PLCXD3: variants seen among roughly 807,000 people sequenced by gnomAD.
The protein encoded by PLCXD3 is PI-PLC X domain-containing protein 3.
A neutral mutation model predicts 25.5 loss-of-function variants in PLCXD3; 19 were observed. The ratio of observed to expected loss-of-function variants is 0.75; its 90% CI spans 0.52 to 1.09. The LOEUF is 1.09. Among genes scored for constraint, PLCXD3 ranks in the 50% least tolerant of loss-of-function variants. The probability of loss-of-function intolerance (pLI) is 0.00; values close to 1 mark genes in which losing one functional copy is unlikely to be tolerated. For missense variants in PLCXD3, 411 were observed against 388.1 expected, an observed-to-expected ratio of 1.06 and a Z score of -0.50; for synonymous variants, 174 against 137.6, an observed-to-expected ratio of 1.26 and a Z score of -1.85.
chr5:41,505,625 C>G (rs1281837884), intron 1 of PLCXD3, among the ~76,000 whole-genome samples: 1 of 152,206 alleles, frequency 6.6e-6, no homozygotes, highest in Non-Finnish European at 1.5e-5. Context: ...GTTTCCTAAA[C>G]TGGCATTAGA....
chr5:41,395,442 A>G (rs1471656362), intron 1 of PLCXD3, among the ~76,000 whole-genome samples: 1 of 152,078 alleles, frequency 6.6e-6, no homozygotes, highest in Non-Finnish European at 1.5e-5. Flanking sequence ...AAAACCCATA[A>G]TTAGTAGAAG....
chr5:41,334,406 G>T (rs1743921866), intron 2 of PLCXD3, among the ~76,000 whole-genome samples: 1 of 152,076 alleles, frequency 6.6e-6, no homozygotes, highest in African/African-American at 2.4e-5. Context: ...TCATATTTTG[G>T]GAGATGCAGG....
chr5:41,493,907 G>A (rs530092347), intron 1 of PLCXD3, among the ~76,000 whole-genome samples: 206 of 152,286 alleles, frequency 1.4e-3, no homozygotes, highest in Non-Finnish European at 2.0e-3. Flanking sequence ...ACAATGCCTC[G>A]CCCTGCTTCG....
At chr5:41,367,877 C>A (rs1347047672) in intron 2 of PLCXD3, among the ~76,000 whole-genome samples, 3 of 152,142 alleles carry the variant, frequency 2.0e-5, no homozygotes, top group African/African-American at 7.2e-5. Flanking sequence ...GTTCTCCCAG[C>A]ACCATTTATT....
At chr5:41,493,642 G>GC (rs1188772862) in intron 1 of PLCXD3, among the ~76,000 whole-genome samples, 3 of 152,168 alleles carry the variant, frequency 2.0e-5, no homozygotes, top group Non-Finnish European at 4.4e-5. Flanking sequence ...GCAATGGTGG[G>GC]CACCCCTCCC....
At chr5:41,439,291 ATTTAT>A (rs1747326574) in intron 1 of PLCXD3, among the ~76,000 whole-genome samples, 1 of 152,138 alleles carries the variant, frequency 6.6e-6, no homozygotes, top group African/African-American at 2.4e-5. Context: ...CCTATCCAAC[ATTTAT>A]TTTTCTCCTT....
intron 1 of PLCXD3, among the ~76,000 whole-genome samples, chr5:41,433,321 G>C (rs886711319): frequency 9.9e-5 from 15 of 152,134 alleles, no homozygotes; most frequent in African/African-American, 3.6e-4. Flanking sequence ...TAAGTTCCTA[G>C]TGCTCATAAT....
chr5:41,503,934 C>G (rs942052843), intron 1 of PLCXD3, among the ~76,000 whole-genome samples: 2 of 152,052 alleles, frequency 1.3e-5, no homozygotes, highest in African/African-American at 4.8e-5. Context: ...CCAGAAAACA[C>G]AGCTTTCCCC....
intron 1 of PLCXD3, among the ~76,000 whole-genome samples, chr5:41,478,047 T>C (rs922685946): frequency 1.3e-5 from 2 of 152,184 alleles, no homozygotes; most frequent in African/African-American, 4.8e-5. Flanking sequence ...TGACAAAGTA[T>C]AGCAATGGCT....
intron 1 of PLCXD3, among the ~76,000 whole-genome samples, chr5:41,503,402 T>TA (rs1321223968): frequency 1.3e-5 from 2 of 152,176 alleles, no homozygotes; most frequent in Non-Finnish European, 2.9e-5. Context: ...GCATTTAAGA[T>TA]AGAGTGTTGT....
chr5:41,334,134 T>C (rs1561235828), intron 2 of PLCXD3, among the ~76,000 whole-genome samples: 1 of 152,182 alleles, frequency 6.6e-6, no homozygotes, highest in Non-Finnish European at 1.5e-5. Flanking sequence ...GAATTGATGT[T>C]AAAAATTTGA....
Position 41,311,702 on chromosome 5 carries a change from T to C in PLCXD3, c.*1915A>G, listed in dbSNP as rs985327317. ...GGTACATACACACTCCTCATAAACA[T>C]TCTCTTCAGTATAAACAATTTCTTT... On this transcript the variant is annotated 3_prime_UTR_variant, in exon 3 of 3. Transcript: ENST00000377801. 2 of 152,156 alleles carry C rather than the reference T, an allele frequency of 1.3e-5. No homozygotes were observed. The highest frequency in any genetic ancestry group is 2.9e-5 in the Non-Finnish European group (2 of 67,998). 9.4% of individuals were successfully genotyped at this position (152,156 alleles called of 1,614,324 possible).
At chr5:41,322,211 A>C (rs1392906175) in intron 2 of PLCXD3, among the ~76,000 whole-genome samples, 1 of 152,246 alleles carries the variant, frequency 6.6e-6, no homozygotes, top group Non-Finnish European at 1.5e-5. Context: ...AGGATATATA[A>C]GGAACTTGAA....
At chr5:41,499,664 T>G (rs894472611) in intron 1 of PLCXD3, among the ~76,000 whole-genome samples, 4 of 151,598 alleles carry the variant, frequency 2.6e-5, no homozygotes, top group Non-Finnish European at 5.9e-5. Flanking sequence ...CGGAACCACA[T>G]AGGACTCCAA....
chr5:41,310,495 C>A lies in PLCXD3; in HGVS notation c.*3122G>T, dbSNP rs559878402. The stretch of plus-strand genomic sequence containing the variant: ...AGGTGTATCTACCACCATCTTGGCG[C>A]CCATGTGTAGCCCTTGTGCTACAAG... On this transcript the variant is annotated 3_prime_UTR_variant, in exon 3 of 3. Transcript: ENST00000377801. The A allele has an allele frequency of 2.6e-5, 4 of 152,496 alleles. No individual in the cohort carries two copies. Among genetic ancestry groups the A allele is most frequent in the East Asian group, 1.9e-4 (1 of 5,180 alleles). The allele number at this position is 152,496 out of a possible 1,614,324, so 9.4% of individuals were successfully genotyped here. A position where few individuals can be genotyped will look rare whatever the true frequency, so the allele number is the denominator to read the frequency against.
intron 1 of PLCXD3, among the ~76,000 whole-genome samples, chr5:41,485,993 G>A (rs1748509625): frequency 6.6e-6 from 1 of 152,122 alleles, no homozygotes. Context: ...TGTAACAACG[G>A]GAAGTTTTCT....
chr5:41,466,371 A>G (rs981165950), intron 1 of PLCXD3, among the ~76,000 whole-genome samples: 1 of 152,084 alleles, frequency 6.6e-6, no homozygotes, highest in African/African-American at 2.4e-5. Context: ...TATTCATAAA[A>G]CAGGAGAAAT....
Position 41,308,526 on chromosome 5 carries a change from C to T in PLCXD3, c.*5091G>A, listed in dbSNP as rs1743053632. 1 of 150,556 alleles carries T rather than the reference C, an allele frequency of 6.6e-6. No individual in the cohort carries two copies. Among genetic ancestry groups the T allele is most frequent in the East Asian group, 2.0e-4 (1 of 5,080 alleles). 9.3% of individuals were successfully genotyped at this position (150,556 alleles called of 1,614,324 possible). On this transcript the variant is annotated 3_prime_UTR_variant, in exon 3 of 3. Transcript: ENST00000377801. ...TTCAAGCATGACCACATGTGTAGAT[C>T]CTTGTCAGTCATGAGTTTTCTATTG... is the stretch of plus-strand genomic sequence containing the variant.
intron 1 of PLCXD3, among the ~76,000 whole-genome samples, chr5:41,489,511 T>A (rs1444441311): frequency 6.6e-6 from 1 of 152,204 alleles, no homozygotes; most frequent in African/African-American, 2.4e-5. Flanking sequence ...ATCTGTAAAT[T>A]ACCTTGGGCA....
Sources: gnomAD v4.1 joint callset for allele counts (sites outside exome capture counted in the v4.1 genomes callset) on GRCh38, gnomAD v4.1.1 for gene constraint, MANE v1.5 for transcripts, NCBI Gene and HGNC (gene_info 2026-07-23, HGNC 2026-07-21) for gene names.